Variants in ARHGAP24 observed in about 807,000 individuals in gnomAD.
The protein encoded by ARHGAP24 is rho GTPase-activating protein 24.
In ARHGAP24, 50 loss-of-function variants were observed where a neutral mutation model predicts 76.4. That is an observed-to-expected ratio of 0.65 (90% CI 0.52 to 0.83). ARHGAP24 has a LOEUF of 0.83. Ranked by LOEUF, ARHGAP24 falls within the 40% of genes least tolerant of loss-of-function variation. ARHGAP24 has a pLI of 0.00. For missense variants in ARHGAP24, 930 were observed against 914.2 expected (o/e 1.02, Z -0.22); for synonymous variants, 345 against 323.3 (o/e 1.07, Z -0.72).
intron 1 of ARHGAP24, among the ~76,000 whole-genome samples, chr4:85,531,687 TG>T (rs1031733315): frequency 2.0e-5 from 3 of 152,112 alleles, no homozygotes; most frequent in Non-Finnish European, 4.4e-5. Flanking sequence ...CCCATATTTA[TG>T]GTTTATTTTT....
intron 1 of ARHGAP24, among the ~76,000 whole-genome samples, chr4:85,550,671 T>G (rs1406102042): frequency 6.6e-6 from 1 of 152,196 alleles, no homozygotes; most frequent in Non-Finnish European, 1.5e-5. Context: ...TTGATTCTTC[T>G]TATCCCTGAG....
At chr4:85,968,249 A>G (rs1487639803) in intron 5 of ARHGAP24, among the ~76,000 whole-genome samples, 1 of 152,102 alleles carries the variant, frequency 6.6e-6, no homozygotes, top group African/African-American at 2.4e-5. Context: ...AATGGGGTTA[A>G]TAGCATAACC....
intron 2 of ARHGAP24, among the ~76,000 whole-genome samples, chr4:85,644,789 G>A (rs928922657): frequency 6.6e-6 from 1 of 151,836 alleles, no homozygotes; most frequent in African/African-American, 2.4e-5. Context: ...TCAAGAAATA[G>A]GGTAGTCCTT....
chr4:85,931,067 C>G, intron 4 of ARHGAP24: 2 of 1,598,320 alleles, frequency 1.3e-6, no homozygotes, highest in South Asian at 2.2e-5. Context: ...TGTTCATGTC[C>G]TTTTTATAAA....
At chr4:85,896,297 A>T (rs1734175490) in intron 3 of ARHGAP24, among the ~76,000 whole-genome samples, 1 of 152,188 alleles carries the variant, frequency 6.6e-6, no homozygotes, top group African/African-American at 2.4e-5. Flanking sequence ...GTTTTTAAGT[A>T]GTTCTGTATT....
intron 3 of ARHGAP24, among the ~76,000 whole-genome samples, chr4:85,834,739 T>A (rs1165297980): frequency 6.6e-6 from 1 of 152,228 alleles, no homozygotes; most frequent in Non-Finnish European, 1.5e-5. Flanking sequence ...AAGGCCTCAA[T>A]CTAGAGTTGC....
chr4:85,649,009 A>ATGTGTGTGTGTG (rs1491155144), intron 2 of ARHGAP24, among the ~76,000 whole-genome samples: 10 of 37,418 alleles, frequency 2.7e-4, no homozygotes, highest in African/African-American at 6.4e-4. Flanking sequence ...GCATTTGTAA[A>ATGTGTGTGTGTG]TATGTGTGTG....
At chr4:85,850,542 G>A (rs1284197620) in intron 3 of ARHGAP24, among the ~76,000 whole-genome samples, 3 of 152,126 alleles carry the variant, frequency 2.0e-5, no homozygotes, top group Non-Finnish European at 4.4e-5. Flanking sequence ...TGTGATGTTA[G>A]GGTGTCGATT....
chr4:85,858,244 A>G (rs987200336), intron 3 of ARHGAP24, among the ~76,000 whole-genome samples: 1 of 152,178 alleles, frequency 6.6e-6, no homozygotes, highest in Non-Finnish European at 1.5e-5. Context: ...TGTGAAACAA[A>G]CAAAGCAACA....
At chr4:85,786,975 C>T (rs1293532591) in intron 3 of ARHGAP24, among the ~76,000 whole-genome samples, 1 of 152,216 alleles carries the variant, frequency 6.6e-6, no homozygotes, top group Non-Finnish European at 1.5e-5. Context: ...ACTAACCAGT[C>T]CATTCAAGCT....
intron 3 of ARHGAP24, among the ~76,000 whole-genome samples, chr4:85,739,146 G>A (rs1725721946): frequency 6.6e-6 from 1 of 152,214 alleles, no homozygotes; most frequent in Admixed American, 6.5e-5. Context: ...CTTCAGGCCA[G>A]GAGGACTGCT....
chr4:85,754,886 A>G (rs1310413408), intron 3 of ARHGAP24, among the ~76,000 whole-genome samples: 2 of 152,202 alleles, frequency 1.3e-5, no homozygotes, highest in Non-Finnish European at 2.9e-5. Context: ...TTACAAGTTT[A>G]TAAAATTGGG....
intron 3 of ARHGAP24, among the ~76,000 whole-genome samples, chr4:85,736,737 A>C (rs983442650): frequency 2.6e-5 from 4 of 152,304 alleles, no homozygotes; most frequent in African/African-American, 9.6e-5. Context: ...TGTATCTCTT[A>C]GGCAATTTCT....
At chr4:85,786,468 T>C (rs1727849456) in intron 3 of ARHGAP24, among the ~76,000 whole-genome samples, 1 of 152,222 alleles carries the variant, frequency 6.6e-6, no homozygotes, top group Admixed American at 6.5e-5. Context: ...AAATGGGAAT[T>C]AGTGGCATAC....
In ARHGAP24 at chr4:85,560,630, A is replaced by G. The variant is rs192230122; in HGVS notation, c.-20-9892A>G. Among the ~76,000 whole-genome samples, 275 of 152,226 alleles carry G rather than the reference A, an allele frequency of 1.8e-3. 1 individual carries two copies. Among genetic ancestry groups the G allele is most frequent in the African/African-American group, 6.0e-3 (248 of 41,530 alleles). On this transcript the variant is annotated intron_variant, in intron 1 of 9. Coordinates refer to ENST00000395184, the MANE Select transcript of ARHGAP24 (RefSeq NM_001025616.3). Reference sequence around the variant, plus strand: ...CCCCAGGTATGCCCTTCTGGTGACTATTTTTGACTTTATATTCGTGGCTGT... The same window carrying G: ...CCCCAGGTATGCCCTTCTGGTGACTGTTTTTGACTTTATATTCGTGGCTGT...
intron 2 of ARHGAP24, among the ~76,000 whole-genome samples, chr4:85,662,803 G>A (rs566603426): frequency 2.0e-3 from 302 of 152,252 alleles, no homozygotes; most frequent in Middle Eastern, 6.8e-3. Context: ...GTTTTTCTCA[G>A]GTTTGTCAAA....
At chr4:85,855,068 T>G (rs1173937020) in intron 3 of ARHGAP24, among the ~76,000 whole-genome samples, 1 of 152,186 alleles carries the variant, frequency 6.6e-6, no homozygotes, top group African/African-American at 2.4e-5. Flanking sequence ...CTCTTGAAGA[T>G]TGCAGTTAAT....
chr4:85,663,807 A>G (rs1198376566), intron 2 of ARHGAP24, among the ~76,000 whole-genome samples: 1 of 151,658 alleles, frequency 6.6e-6, no homozygotes, highest in Non-Finnish European at 1.5e-5. Flanking sequence ...TTCTGTTTAT[A>G]TGCTGGATTA....
chr4:85,779,823 A>T (rs1186315055), intron 3 of ARHGAP24, among the ~76,000 whole-genome samples: 2 of 152,206 alleles, frequency 1.3e-5, no homozygotes, highest in African/African-American at 4.8e-5. Flanking sequence ...GCTAGCTGGT[A>T]TATAATATTT....
Sources: allele counts gnomAD v4.1 joint callset (sites outside exome capture counted in the v4.1 genomes callset), GRCh38; gene constraint gnomAD v4.1.1; transcripts MANE v1.5; gene names NCBI Gene and HGNC (gene_info 2026-07-23, HGNC 2026-07-21).